The following HDAC4 variants were observed in gnomAD, a reference collection of about 807,000 sequenced individuals.
HDAC4 encodes histone deacetylase 4.
HDAC4 carries 16 observed loss-of-function variants against 135.1 expected under a neutral mutation model. The ratio of observed to expected loss-of-function variants is 0.12; its 90% CI spans 0.08 to 0.18. The LOEUF (loss-of-function observed/expected upper bound fraction) is 0.18, where lower values mean the gene tolerates loss of function less well. HDAC4 is among the 10% of genes least tolerant of loss of function. The pLI, the probability that HDAC4 is intolerant of heterozygous loss-of-function variation, is 1.00. For missense variants in HDAC4, 1,143 were observed against 1,511.8 expected (o/e 0.76, Z 4.05); for synonymous variants, 685 against 653.4 (o/e 1.05, Z -0.74).
chr2:239,311,659 CAG>C (rs1169583797), intron 2 of HDAC4, among the ~76,000 whole-genome samples: 3 of 152,188 alleles, frequency 2.0e-5, no homozygotes, highest in Non-Finnish European at 4.4e-5. Context: ...AAACCACACA[CAG>C]GGGACTCCGT....
chr2:239,230,965 A>T (rs1015485305), intron 3 of HDAC4, among the ~76,000 whole-genome samples: 1 of 152,210 alleles, frequency 6.6e-6, no homozygotes, highest in Non-Finnish European at 1.5e-5. Context: ...AAAATGTAAG[A>T]GCAGTGTCTG....
intron 4 of HDAC4, among the ~76,000 whole-genome samples, chr2:239,188,413 G>A (rs1427002328): frequency 6.6e-6 from 1 of 152,250 alleles, no homozygotes; most frequent in Non-Finnish European, 1.5e-5. Flanking sequence ...GGCAGAAACA[G>A]AGGGATGCAC....
At chr2:239,336,928 C>T (rs79727532) in intron 2 of HDAC4, among the ~76,000 whole-genome samples, 1,583 of 152,316 alleles carry the variant, frequency 0.01, 28 homozygotes, top group African/African-American at 0.036. Flanking sequence ...CCTGAGATCC[C>T]TCCTGGTGGT....
At chr2:239,179,532 A>G (rs1228425790) in intron 4 of HDAC4, among the ~76,000 whole-genome samples, 1 of 152,086 alleles carries the variant, frequency 6.6e-6, no homozygotes, top group African/African-American at 2.4e-5. Context: ...TTTCATCCCG[A>G]AACCATTCTC....
rs750783114 is a variant in HDAC4, at chr2:239,082,269, G to T, written c.2533-48C>A. The T allele has an allele frequency of 7.8e-5, 126 of 1,613,572 alleles. No homozygotes were observed. The Middle Eastern group carries it at 1.7e-3, about 21-fold the overall frequency. On this transcript the variant is annotated intron_variant, in intron 20 of 26. Coordinates refer to ENST00000543185, the MANE Select transcript of HDAC4 (RefSeq NM_001378414.1). ...TTCAGGGCTGAGGCAGGTATTGGAG[G>T]GTGGCCTCCCCTGAGGGCCGTCCCC...
intron 2 of HDAC4, among the ~76,000 whole-genome samples, chr2:239,247,117 G>A (rs908183817): frequency 6.6e-6 from 1 of 152,246 alleles, no homozygotes; most frequent in Non-Finnish European, 1.5e-5. Flanking sequence ...GGCAATGGCT[G>A]GAGACTAGCT....
chr2:239,089,776 C>A (rs2036328362), intron 18 of HDAC4: 8 of 470,132 alleles, frequency 1.7e-5, no homozygotes, highest in Non-Finnish European at 2.7e-5. Flanking sequence ...ATAAAGGGTT[C>A]TTAAGACCCA....
chr2:239,258,981 T>C (rs2049198882), intron 2 of HDAC4, among the ~76,000 whole-genome samples: 1 of 152,118 alleles, frequency 6.6e-6, no homozygotes, highest in Non-Finnish European at 1.5e-5. Context: ...GTTGGAAAAA[T>C]ATGTACCTTG....
At chr2:239,399,137 T>A (rs746669077) in intron 1 of HDAC4, among the ~76,000 whole-genome samples, 29 of 152,312 alleles carry the variant, frequency 1.9e-4, no homozygotes, top group Non-Finnish European at 3.7e-4. Flanking sequence ...GCCCGATCAG[T>A]CTTAAAAATA....
chr2:239,379,882 G>A (rs966774736), intron 1 of HDAC4, among the ~76,000 whole-genome samples: 15 of 152,320 alleles, frequency 9.8e-5, no homozygotes, highest in African/African-American at 3.4e-4. Flanking sequence ...GCACCTGCAC[G>A]CAGACACTGA....
intron 1 of HDAC4, among the ~76,000 whole-genome samples, chr2:239,384,996 A>C (rs2126075148): frequency 6.6e-6 from 1 of 152,292 alleles, no homozygotes; most frequent in Middle Eastern, 3.4e-3. Flanking sequence ...AGGATACAGG[A>C]GAACAGAACT....
chr2:239,207,033 C>T (rs950362390), intron 3 of HDAC4, among the ~76,000 whole-genome samples: 1 of 152,164 alleles, frequency 6.6e-6, no homozygotes, highest in Non-Finnish European at 1.5e-5. Context: ...ACTGGAGGGA[C>T]TGCCCTGGCC....
chr2:239,058,418 T>C (rs2032194731), intron 24 of HDAC4, among the ~76,000 whole-genome samples: 1 of 152,192 alleles, frequency 6.6e-6, no homozygotes, highest in Non-Finnish European at 1.5e-5. Flanking sequence ...TGACCCACGT[T>C]TCCACTTAAA....
At chr2:239,204,404 C>T (rs764571618) in intron 3 of HDAC4, among the ~76,000 whole-genome samples, 2 of 152,184 alleles carry the variant, frequency 1.3e-5, no homozygotes, top group Non-Finnish European at 1.5e-5. Flanking sequence ...GTCTGTACTG[C>T]GGAGGGTTCG....
intron 3 of HDAC4, among the ~76,000 whole-genome samples, chr2:239,221,786 A>T (rs1324361216): frequency 6.6e-6 from 1 of 152,184 alleles, no homozygotes. Flanking sequence ...TGCACACACA[A>T]CTTGAAGTGA....
intron 2 of HDAC4, among the ~76,000 whole-genome samples, chr2:239,239,144 C>T (rs1000940776): frequency 7.9e-5 from 12 of 152,296 alleles, no homozygotes; most frequent in South Asian, 2.1e-4. Context: ...CTAGCACACA[C>T]GCCACAGGGG....
chr2:239,155,225 A>T (rs2042349114), intron 7 of HDAC4, among the ~76,000 whole-genome samples: 1 of 147,888 alleles, frequency 6.8e-6, no homozygotes, highest in Non-Finnish European at 1.5e-5. Context: ...CGCCTCAATA[A>T]ACCCTAATAG....
intron 2 of HDAC4, among the ~76,000 whole-genome samples, chr2:239,345,477 C>T (rs1422733557): frequency 1.3e-5 from 2 of 151,884 alleles, no homozygotes; most frequent in East Asian, 1.9e-4. Flanking sequence ...GTGGGAGGAT[C>T]GCTGAAGCCC....
At chr2:239,281,208 A>G (rs118197316) in intron 2 of HDAC4, among the ~76,000 whole-genome samples, 2 of 103,424 alleles carry the variant, frequency 1.9e-5, no homozygotes, top group African/African-American at 7.5e-5. Flanking sequence ...CTCTACAATG[A>G]ACACACCACT....
Sources: gnomAD v4.1 joint callset for allele counts (sites outside exome capture counted in the v4.1 genomes callset) on GRCh38, gnomAD v4.1.1 for gene constraint, MANE v1.5 for transcripts, NCBI Gene and HGNC (gene_info 2026-07-23, HGNC 2026-07-21) for gene names.